Variants in IL16 observed in about 807,000 individuals in gnomAD.
The protein encoded by IL16 is pro-interleukin-16.
In IL16, 67 loss-of-function variants were observed where a neutral mutation model predicts 110.1. That is an observed-to-expected ratio of 0.61 (90% CI 0.50 to 0.75). IL16 has a LOEUF of 0.75. Ranked by LOEUF, IL16 falls within the 30% of genes least tolerant of loss-of-function variation. IL16 has a pLI of 0.00. For synonymous variants in IL16, 689 were observed against 662.9 expected (o/e 1.04, Z -0.61); for missense variants, 1,545 against 1,655.0 (o/e 0.93, Z 1.15).
chr15:81,258,747 C>G (rs951062091), intron 2 of IL16, among the ~76,000 whole-genome samples: 13 of 149,594 alleles, frequency 8.7e-5, no homozygotes, highest in African/African-American at 3.3e-4. Flanking sequence ...CTCTCTCTCT[C>G]TGTCACTCGC....
intron 10 of IL16, among the ~76,000 whole-genome samples, chr15:81,287,361 C>T (rs760519870): frequency 1.3e-5 from 2 of 152,278 alleles, no homozygotes; most frequent in Middle Eastern, 3.4e-3. Flanking sequence ...TAAAGATGCC[C>T]AGTAGGCAAG....
intron 1 of IL16, among the ~76,000 whole-genome samples, chr15:81,189,187 G>T (rs1025970444): frequency 6.8e-6 from 1 of 147,952 alleles, no homozygotes; most frequent in African/African-American, 2.5e-5. Context: ...GCAGTGGCAC[G>T]ATCTTGGCTC....
In IL16 at chr15:81,272,778, A is replaced by G. The variant is rs112642643; in HGVS notation, c.676-312A>G. On this transcript the variant is annotated intron_variant, in intron 5 of 18. Transcript: ENST00000683961. ...GAAAGTGATTGGCCCAGGATTGCCAACTGGAGGGACAGAGCCAGGGTGCTG... is the reference window on the plus strand; with the variant it reads ...GAAAGTGATTGGCCCAGGATTGCCAGCTGGAGGGACAGAGCCAGGGTGCTG... Among the ~76,000 whole-genome samples, 19 of 152,334 alleles carry G rather than the reference A, an allele frequency of 1.2e-4. No individual in the cohort carries two copies. The East Asian group carries it at 3.3e-3, about 26-fold the overall frequency.
chr15:81,206,447 A>G (rs1401859691), intron 1 of IL16, among the ~76,000 whole-genome samples: 1 of 152,234 alleles, frequency 6.6e-6, no homozygotes, highest in Non-Finnish European at 1.5e-5. Context: ...TTTGTTGACC[A>G]TAATGACTGC....
At chr15:81,293,178 C>G in intron 12 of IL16, 141 bp downstream of exon 12, 2 of 877,216 alleles carry the variant, frequency 2.3e-6, no homozygotes, top group Non-Finnish European at 3.4e-6. Context: ...GCCTAGGACT[C>G]AGCTGAGGAC....
intron 1 of IL16, among the ~76,000 whole-genome samples, chr15:81,221,959 ATGCAGCCAACT>A (rs1567002709): frequency 6.6e-6 from 1 of 152,214 alleles, no homozygotes; most frequent in Non-Finnish European, 1.5e-5. Context: ...TAAATGCTAC[ATGCAGCCAACT>A]ATTCCACCAC....
intron 2 of IL16, among the ~76,000 whole-genome samples, chr15:81,228,225 A>G (rs1896852592): frequency 6.6e-6 from 1 of 152,080 alleles, no homozygotes; most frequent in Non-Finnish European, 1.5e-5. Context: ...GAGAATGGCT[A>G]GATGGCATGG....
chr15:81,301,254 C>A, intron 14 of IL16, 90 bp from the exon 15 acceptor site: 1 of 1,175,942 alleles, frequency 8.5e-7, no homozygotes, highest in Non-Finnish European at 1.2e-6. Context: ...AAGTGCTTGG[C>A]ACCACACCTG....
chr15:81,252,208 T>A (rs1897791369), intron 2 of IL16, among the ~76,000 whole-genome samples: 1 of 152,136 alleles, frequency 6.6e-6, no homozygotes, highest in East Asian at 1.9e-4. Flanking sequence ...TGGTAGGAAG[T>A]GGACTAACAA....
At chr15:81,292,062 A>C in intron 11 of IL16, 5 of 437,574 alleles carry the variant, frequency 1.1e-5, no homozygotes, top group South Asian at 8.0e-5. Flanking sequence ...GCTGAGGTGC[A>C]CACCCAACAG....
chr15:81,216,217 G>C (rs1247941761), intron 1 of IL16, among the ~76,000 whole-genome samples: 1 of 152,190 alleles, frequency 6.6e-6, no homozygotes, highest in Non-Finnish European at 1.5e-5. Flanking sequence ...GCTCCATGCT[G>C]TCTGAAGGCC....
intron 1 of IL16, among the ~76,000 whole-genome samples, chr15:81,201,959 A>G (rs1284697602): frequency 6.6e-6 from 1 of 152,244 alleles, no homozygotes; most frequent in East Asian, 1.9e-4. Context: ...GCAAGTAAGC[A>G]TAGGCAATTC....
rs78051388 is a variant in IL16 at position 81,205,530 on chromosome 15, A to C, written c.-102+8378A>C. Among the ~76,000 whole-genome samples, 319 of 152,300 alleles carry C rather than the reference A, an allele frequency of 2.1e-3. 2 individuals are homozygous for C. The highest frequency in any genetic ancestry group is 7.4e-3 in the African/African-American group (306 of 41,564). The stretch of plus-strand genomic sequence containing the variant: ...ATATCAAATAAAATGAATGAAACCT[A>C]TGATTCATTAAGAAGGAAAAGAAAG... On this transcript the variant is annotated intron_variant, in intron 1 of 18. Coordinates refer to ENST00000683961, the MANE Select transcript of IL16 (RefSeq NM_172217.5).
At position 81,305,897 on chromosome 15, in the gene IL16, G is replaced by A. The variant is rs17875534; in HGVS notation, c.3421-11G>A. On this transcript the variant is annotated splice_polypyrimidine_tract_variant and intron_variant, in intron 16 of 18. Coordinates refer to ENST00000683961, the MANE Select transcript of IL16 (RefSeq NM_172217.5). ...GTGATTTCTGGTCCTGACTTCCTTTGGTTTGCTCAGGTTCACAGAGTGTTT... is the reference window on the plus strand; with the variant it reads ...GTGATTTCTGGTCCTGACTTCCTTTAGTTTGCTCAGGTTCACAGAGTGTTT... 2,598 of 1,613,006 alleles carry A rather than the reference G, an allele frequency of 1.6e-3. 25 individuals carry two copies. The African/African-American group carries it at 0.024, about 15-fold the overall frequency.
chr15:81,207,087 T>C (rs1472772557), intron 1 of IL16, among the ~76,000 whole-genome samples: 1 of 151,146 alleles, frequency 6.6e-6, no homozygotes, highest in Non-Finnish European at 1.5e-5. Context: ...CCACAAAAAA[T>C]TAGCCAGGCG....
chr15:81,284,954 A>G (rs1352094415), intron 9 of IL16, among the ~76,000 whole-genome samples: 1 of 152,208 alleles, frequency 6.6e-6, no homozygotes, highest in Non-Finnish European at 1.5e-5. Context: ...AAGTTTGTCA[A>G]TTCCTGAGCA....
chr15:81,295,043 CT>C (rs1200086932), intron 12 of IL16, among the ~76,000 whole-genome samples: 2 of 152,144 alleles, frequency 1.3e-5, no homozygotes, highest in Non-Finnish European at 2.9e-5. Context: ...CCAATATGAA[CT>C]TTGGGATATT....
chr15:81,184,808 G>A (rs1027846550), intron 1 of IL16, among the ~76,000 whole-genome samples: 19 of 152,190 alleles, frequency 1.2e-4, no homozygotes, highest in Admixed American at 1.2e-3. Flanking sequence ...GGGACTCAGT[G>A]TCCCTGTCTA....
At chr15:81,220,690 A>G (rs1443549713) in intron 1 of IL16, among the ~76,000 whole-genome samples, 2 of 151,964 alleles carry the variant, frequency 1.3e-5, no homozygotes, top group Admixed American at 6.6e-5. Context: ...AGTGAGTTAA[A>G]TGTATTTTAT....
Sources: allele counts gnomAD v4.1 joint callset (sites outside exome capture counted in the v4.1 genomes callset), GRCh38; gene constraint gnomAD v4.1.1; transcripts MANE v1.5; gene names NCBI Gene and HGNC (gene_info 2026-07-23, HGNC 2026-07-21).